Variants in STK3 observed in about 807,000 individuals in gnomAD.
STK3 encodes serine/threonine-protein kinase 3.
In STK3, 41 loss-of-function variants were observed where a neutral mutation model predicts 58.0. The ratio of observed to expected loss-of-function variants is 0.71; its 90% CI spans 0.55 to 0.92. The LOEUF is 0.92. Ranked by LOEUF, STK3 falls within the 40% of genes least tolerant of loss-of-function variation. The pLI is 0.00. For missense variants in STK3, 479 were observed against 602.7 expected (o/e 0.79, Z 2.15); for synonymous variants, 170 against 191.0 (o/e 0.89, Z 0.91).
chr8:98,867,301 A>C (rs1468349153), intron 3 of STK3, among the ~76,000 whole-genome samples: 4 of 152,186 alleles, frequency 2.6e-5, no homozygotes, highest in Admixed American at 2.6e-4. Context: ...CTGTAATCCC[A>C]GCCATGGCAG....
intron 4 of STK3, among the ~76,000 whole-genome samples, chr8:98,748,407 TAC>T (rs903974955): frequency 9.2e-5 from 14 of 152,162 alleles, no homozygotes; most frequent in Admixed American, 2.6e-4. Flanking sequence ...AAATCCTATT[TAC>T]TTTCTTTTCT....
At chr8:98,642,854 C>T (rs1043275892) in intron 6 of STK3, among the ~76,000 whole-genome samples, 1 of 152,158 alleles carries the variant, frequency 6.6e-6, no homozygotes, top group Non-Finnish European at 1.5e-5. Flanking sequence ...TAATGACATC[C>T]AAACTGTTTA....
chr8:98,804,606 A>G (rs1833791567), intron 1 of STK3, among the ~76,000 whole-genome samples: 3 of 152,190 alleles, frequency 2.0e-5, no homozygotes, highest in Admixed American at 6.5e-5. Flanking sequence ...AGAATTTCTT[A>G]TCTTCAACTC....
intron 4 of STK3, among the ~76,000 whole-genome samples, chr8:98,726,326 T>C (rs776529305): frequency 6.6e-6 from 1 of 152,170 alleles, no homozygotes; most frequent in Non-Finnish European, 1.5e-5. Flanking sequence ...CTATATATTA[T>C]AATGTGGAAA....
At chr8:98,640,713 T>C (rs1459914094) in intron 6 of STK3, among the ~76,000 whole-genome samples, 1 of 151,822 alleles carries the variant, frequency 6.6e-6, no homozygotes, top group Admixed American at 6.6e-5. Flanking sequence ...TTGCTCATGT[T>C]TCCTTAAATA....
intron 10 of STK3, among the ~76,000 whole-genome samples, chr8:98,467,484 A>G (rs12545656): frequency 0.038 from 5,772 of 151,848 alleles, 139 homozygotes; most frequent in Non-Finnish European, 0.057. Context: ...TCTACTAACA[A>G]TTTTGTGGTA....
intron 6 of STK3, chr8:98,598,490 A>AT (rs1353553059): frequency 2.2e-5 from 22 of 985,400 alleles, no homozygotes; most frequent in Non-Finnish European, 2.7e-5. Context: ...ATTTATTTCC[A>AT]TTTTTTAAGG....
chr8:98,803,097 C>T (rs760888618), intron 1 of STK3, among the ~76,000 whole-genome samples: 10 of 152,084 alleles, frequency 6.6e-5, no homozygotes, highest in East Asian at 3.9e-4. Context: ...TTGTTTCATA[C>T]GGTTTCTCAA....
At chr8:98,672,953 A>C (rs980788154) in intron 6 of STK3, among the ~76,000 whole-genome samples, 17 of 152,276 alleles carry the variant, frequency 1.1e-4, no homozygotes, top group Admixed American at 1.0e-3. Context: ...ATTCAAGAAG[A>C]AGCTATGACA....
chr8:98,896,189 A>C (rs1245525078), intron 1 of STK3, among the ~76,000 whole-genome samples: 2 of 152,272 alleles, frequency 1.3e-5, no homozygotes, highest in South Asian at 4.1e-4. Context: ...ACAGTACCCT[A>C]ACACCCCTCT....
In STK3 at chr8:98,546,651, A is replaced by T. The variant is rs1810725719; in HGVS notation, c.1141+1318T>A. ...AACACTAGCTGGTTCTGGAGGCCAT[A>T]AGACCATCCTCTGCAGTGGAGTGAG... On this transcript the variant is annotated intron_variant, in intron 9 of 10. Transcript: ENST00000419617. Among the ~76,000 whole-genome samples the T allele has an allele frequency of 1.3e-5, 2 of 152,156 alleles. 1 individual carries two copies. The highest frequency in any genetic ancestry group is 1.3e-4 in the Admixed American group (2 of 15,254).
intron 1 of STK3, chr8:98,905,615 C>T (rs891970304): frequency 4.4e-5 from 41 of 936,026 alleles, no homozygotes; most frequent in Middle Eastern, 4.3e-4. Flanking sequence ...GAAAAGAGAG[C>T]GGATCTCCTG....
intron 6 of STK3, among the ~76,000 whole-genome samples, chr8:98,614,889 A>C (rs971319626): frequency 6.6e-5 from 10 of 152,220 alleles, no homozygotes; most frequent in African/African-American, 9.6e-5. Context: ...GGGGGAGGGG[A>C]GCCCGCCATT....
At chr8:98,827,326 T>C (rs1189099141), upstream of STK3, among the ~76,000 whole-genome samples, 1 of 152,048 alleles carries the variant, frequency 6.6e-6, no homozygotes, top group Non-Finnish European at 1.5e-5. Flanking sequence ...AGAGCAGACC[T>C]TGTCTCAAAA....
At chr8:98,830,948 C>T (rs1352691840) in intron 3 of STK3, among the ~76,000 whole-genome samples, 75 of 122,574 alleles carry the variant, frequency 6.1e-4, no homozygotes, top group African/African-American at 2.1e-3. Flanking sequence ...CCAGCCTGGG[C>T]GACAGAGCAA....
chr8:98,691,048 G>A (rs1192970590), intron 6 of STK3, among the ~76,000 whole-genome samples: 1 of 152,124 alleles, frequency 6.6e-6, no homozygotes, highest in African/African-American at 2.4e-5. Flanking sequence ...ACAGACGCTA[G>A]GAACTCTAAA....
intron 8 of STK3, among the ~76,000 whole-genome samples, chr8:98,577,406 G>T (rs1270239166): frequency 6.6e-6 from 1 of 152,146 alleles, no homozygotes; most frequent in African/African-American, 2.4e-5. Context: ...AGAATTGCTT[G>T]AACCCAGGAG....
chr8:98,384,580 C>T (rs1817770977), intron 1 of STK3, among the ~76,000 whole-genome samples: 1 of 152,182 alleles, frequency 6.6e-6, no homozygotes, highest in African/African-American at 2.4e-5. Flanking sequence ...GGGGAAGTTT[C>T]CAAGGCTCAG....
intron 4 of STK3, among the ~76,000 whole-genome samples, chr8:98,745,513 T>C (rs751511751): frequency 2.0e-5 from 3 of 152,076 alleles, no homozygotes; most frequent in South Asian, 4.1e-4. Flanking sequence ...TAAAAGTCTA[T>C]GTTAAGGCTA....
Sources: allele counts gnomAD v4.1 joint callset (sites outside exome capture counted in the v4.1 genomes callset), GRCh38; gene constraint gnomAD v4.1.1; transcripts MANE v1.5; gene names NCBI Gene and HGNC (gene_info 2026-07-23, HGNC 2026-07-21).